Variants in SMYD1 observed in about 807,000 individuals in gnomAD.
The protein encoded by SMYD1 is SET and MYND domain containing 1.
In SMYD1, 49 loss-of-function variants were observed where a neutral mutation model predicts 54.0. The observed-to-expected ratio is 0.91, with a 90% CI of 0.72 to 1.15. The LOEUF (loss-of-function observed/expected upper bound fraction) is 1.15, where lower values mean the gene tolerates loss of function less well. Ranked by LOEUF, SMYD1 falls within the 50% of genes most tolerant of loss-of-function variation. The pLI is 0.00. For synonymous variants in SMYD1, 269 were observed against 234.2 expected (o/e 1.15, Z -1.36); for missense variants, 653 against 639.6 (o/e 1.02, Z -0.23).
At chr2:88,077,370 G>A (rs1013434204) in intron 1 of SMYD1, among the ~76,000 whole-genome samples, 4 of 152,232 alleles carry the variant, frequency 2.6e-5, no homozygotes, top group Non-Finnish European at 5.9e-5. Context: ...GCATCCGCCC[G>A]CCTTCTGTGC....
intron 1 of SMYD1, among the ~76,000 whole-genome samples, chr2:88,079,512 T>C (rs558802849): frequency 1.3e-5 from 2 of 152,280 alleles, no homozygotes; most frequent in South Asian, 4.1e-4. Flanking sequence ...CCATCCCTGA[T>C]GTCTGCAATA....
chr2:88,106,235 A>T (rs1674864406), intron 7 of SMYD1, 90 bp from the exon 8 acceptor site: 13 of 1,512,124 alleles, frequency 8.6e-6, no homozygotes, highest in Non-Finnish European at 1.1e-5. Context: ...AAAAAGAATG[A>T]TTGTCTGGTA....
chr2:88,082,852 G>C (rs945299389), intron 1 of SMYD1, among the ~76,000 whole-genome samples: 6 of 152,194 alleles, frequency 3.9e-5, no homozygotes, highest in African/African-American at 1.4e-4. Flanking sequence ...CCAAATTAGG[G>C]TACAGGAGCA....
chr2:88,079,079 T>C (rs1246197162), intron 1 of SMYD1, among the ~76,000 whole-genome samples: 2 of 152,238 alleles, frequency 1.3e-5, no homozygotes, highest in African/African-American at 4.8e-5. Flanking sequence ...TTATGAAAAG[T>C]ATTCGAAGTT....
chr2:88,087,079 C>CAAA (rs57379534), intron 2 of SMYD1, among the ~76,000 whole-genome samples: 5 of 83,850 alleles, frequency 6.0e-5, no homozygotes, highest in Non-Finnish European at 6.6e-5. Flanking sequence ...GTATAGCTTC[C>CAAA]AAAAAAAAAA....
intron 5 of SMYD1, among the ~76,000 whole-genome samples, chr2:88,094,823 T>C (rs1674542880): frequency 6.6e-6 from 1 of 152,012 alleles, no homozygotes; most frequent in Admixed American, 6.6e-5. Context: ...AAGGGACTCG[T>C]GGGGGCAGAA....
At chr2:88,077,484 C>T (rs1674093687) in intron 1 of SMYD1, among the ~76,000 whole-genome samples, 2 of 152,116 alleles carry the variant, frequency 1.3e-5, no homozygotes, top group South Asian at 4.1e-4. Flanking sequence ...TTTAAAAAAA[C>T]GAATCACTAA....
chr2:88,111,995 C>T lies in SMYD1; in HGVS notation c.*1483C>T. 1.4e-6 allele frequency: 1 copy of T among 699,142 alleles called. No homozygotes were observed. The highest frequency in any genetic ancestry group is 1.5e-5 in the South Asian group (1 of 66,884). 43.3% of individuals were successfully genotyped at this position (699,142 alleles called of 1,614,324 possible). ...TCACCACATGATGACCTGCTGTGTC[C>T]CTCTGAGCACTACCCAGTGGCTGAA... On this transcript the variant is annotated 3_prime_UTR_variant, in exon 10 of 10. Transcript: ENST00000419482.
chr2:88,102,706 G>A (rs1005587176), intron 6 of SMYD1, among the ~76,000 whole-genome samples: 2 of 152,146 alleles, frequency 1.3e-5, no homozygotes, highest in Non-Finnish European at 2.9e-5. Flanking sequence ...AAACAAAGAG[G>A]GAGAGCAGCA....
At chr2:88,098,486 GCTTT>G (rs1307662449) in intron 6 of SMYD1, among the ~76,000 whole-genome samples, 11 of 152,004 alleles carry the variant, frequency 7.2e-5, no homozygotes, top group Non-Finnish European at 1.5e-5. Context: ...CAAGGCAAAA[GCTTT>G]CTATTATATT....
At position 88,091,082 on chromosome 2, in the gene SMYD1, AC is replaced by A. The variant is rs1558852898; in HGVS notation, c.601del (p.Leu201TrpfsTer4). 1 of 1,614,174 alleles carries A rather than the reference AC, an allele frequency of 6.2e-7. No individual in the cohort carries two copies. The highest frequency in any genetic ancestry group is 1.1e-5 in the South Asian group (1 of 91,070). Reference sequence around the variant, plus strand: ...GCCGTGGGCGTAGGCATCTTCCCCAACCTGGGCCTGGTGAACCATGACTGTT... The same window carrying A: ...GCCGTGGGCGTAGGCATCTTCCCCAACTGGGCCTGGTGAACCATGACTGTT... ...LQAVGVGIFP[N>X]LGLVNHDCWP... On this transcript the variant is annotated frameshift_variant, in exon 4 of 10. Transcript: ENST00000419482. LOFTEE classifies it high-confidence loss of function.
intron 6 of SMYD1, among the ~76,000 whole-genome samples, chr2:88,102,019 C>T (rs1199828812): frequency 6.6e-6 from 1 of 151,956 alleles, no homozygotes; most frequent in African/African-American, 2.4e-5. Context: ...GGAAAATGTT[C>T]CCCCAGATAC....
rs181790235 is a variant in SMYD1, at chr2:88,108,020, G to A, written c.1146-351G>A. Among the ~76,000 whole-genome samples, 160 of 152,336 alleles carry A rather than the reference G, an allele frequency of 1.1e-3. 2 individuals are homozygous for A. Among genetic ancestry groups the A allele is most frequent in the Middle Eastern group, 0.01 (3 of 294 alleles). On this transcript the variant is annotated intron_variant, in intron 8 of 9. Transcript: ENST00000419482. ...TCAGTTGAAAATGCAGAAATCATTCGTCTTCTGCGTCGCTGACGCTGGGAG... is the reference window on the plus strand; with the variant it reads ...TCAGTTGAAAATGCAGAAATCATTCATCTTCTGCGTCGCTGACGCTGGGAG...
Position 88,068,010 on chromosome 2 carries a change from T to G in SMYD1, c.137+9T>G. 6.2e-7 allele frequency: 1 copy of G among 1,609,400 alleles called. No homozygotes were observed. The highest frequency in any genetic ancestry group is 8.5e-7 in the Non-Finnish European group (1 of 1,177,844). On this transcript the variant is annotated intron_variant, in intron 1 of 9. Transcript: ENST00000419482. The stretch of plus-strand genomic sequence containing the variant: ...GCAGTGGTTTTTGACAGGTATGAAA[T>G]GTGGGGAGTTGCCTTCTCTCCTGTT...
intron 6 of SMYD1, among the ~76,000 whole-genome samples, chr2:88,097,915 C>T (rs1241657768): frequency 6.6e-6 from 1 of 152,126 alleles, no homozygotes; most frequent in East Asian, 1.9e-4. Flanking sequence ...TTGACAGTCA[C>T]CCCTCCCAGG....
chr2:88,102,616 G>T (rs1674744981), intron 6 of SMYD1, among the ~76,000 whole-genome samples: 1 of 152,208 alleles, frequency 6.6e-6, no homozygotes, highest in African/African-American at 2.4e-5. Context: ...CTTCAGCCCT[G>T]TGCTGGCTGG....
intron 7 of SMYD1, among the ~76,000 whole-genome samples, chr2:88,104,970 G>A (rs1189167948): frequency 2.6e-5 from 4 of 152,140 alleles, no homozygotes; most frequent in Non-Finnish European, 5.9e-5. Flanking sequence ...CTCCTTCTCT[G>A]CTCATCCATC....
chr2:88,096,833 G>A (rs1184049147), intron 6 of SMYD1, 49 bp downstream of exon 6: 1 of 1,566,554 alleles, frequency 6.4e-7, no homozygotes, highest in East Asian at 2.2e-5. Context: ...TTCTCCGGGA[G>A]CCAGTCACAG....
chr2:88,077,748 G>T lies in SMYD1; in HGVS notation c.138-6568G>T, dbSNP rs1273562289. ...TTTTTTTTTTTTTTTTTTTGAGACG[G>T]AGTCTCACATTGTCACCCAGGCTAG... On this transcript the variant is annotated intron_variant, in intron 1 of 9. Transcript: ENST00000419482. Among the ~76,000 whole-genome samples, 3 of 148,854 alleles carry T rather than the reference G, an allele frequency of 2.0e-5. No homozygotes were observed. The South Asian group carries it at 6.4e-4, about 32-fold the overall frequency.
Sources: allele counts gnomAD v4.1 joint callset (sites outside exome capture counted in the v4.1 genomes callset), GRCh38; gene constraint gnomAD v4.1.1; transcripts MANE v1.5; gene names NCBI Gene and HGNC (gene_info 2026-07-23, HGNC 2026-07-21).